Variants in PRKG1 observed in about 807,000 individuals in gnomAD.
PRKG1 encodes protein kinase cGMP-dependent 1.
A neutral mutation model predicts 88.1 loss-of-function variants in PRKG1; 35 were observed. The ratio of observed to expected loss-of-function variants is 0.40; its 90% CI spans 0.30 to 0.53. The LOEUF is 0.53. Among genes scored for constraint, PRKG1 ranks in the 20% least tolerant of loss-of-function variants. PRKG1 has a pLI of 0.59. For synonymous variants in PRKG1, 303 were observed against 292.5 expected (o/e 1.04, Z -0.37); for missense variants, 540 against 839.8 (o/e 0.64, Z 4.41).
At chr10:52,070,712 GCAGATTGTCT>G (rs1281045577) in intron 7 of PRKG1, among the ~76,000 whole-genome samples, 12 of 152,156 alleles carry the variant, frequency 7.9e-5, no homozygotes, top group African/African-American at 2.9e-4. Flanking sequence ...TAGAAGCTGG[GCAGATTGTCT>G]CAGATGGTCA....
At chr10:52,215,309 T>C (rs186417343) in intron 9 of PRKG1, among the ~76,000 whole-genome samples, 29 of 151,806 alleles carry the variant, frequency 1.9e-4, no homozygotes, top group Non-Finnish European at 3.5e-4. Flanking sequence ...CAGGTGAATT[T>C]CTTGAACCTG....
At chr10:51,561,133 G>C (rs1416291996) in intron 3 of PRKG1, among the ~76,000 whole-genome samples, 1 of 151,914 alleles carries the variant, frequency 6.6e-6, no homozygotes, top group Non-Finnish European at 1.5e-5. Context: ...GAAAAAATTA[G>C]CTGGGTGTGG....
intron 1 of PRKG1, among the ~76,000 whole-genome samples, chr10:51,101,060 A>AT (rs957303635): frequency 2.1e-4 from 32 of 151,974 alleles, no homozygotes; most frequent in Admixed American, 5.2e-4. Flanking sequence ...AAAGTTGGAA[A>AT]TTTTTTTTCC....
chr10:51,617,505 C>G (rs1308693109), intron 3 of PRKG1, among the ~76,000 whole-genome samples: 4 of 152,138 alleles, frequency 2.6e-5, no homozygotes, highest in Non-Finnish European at 4.4e-5. Context: ...CCTAGCCCAC[C>G]ACAGCCATCG....
At chr10:51,750,580 G>C (rs1405506425) in intron 3 of PRKG1, among the ~76,000 whole-genome samples, 4 of 152,152 alleles carry the variant, frequency 2.6e-5, no homozygotes, top group East Asian at 1.9e-4. Context: ...ACTGTTTCAG[G>C]CAAAACAGTC....
At chr10:51,500,830 T>C (rs1265043344) in intron 3 of PRKG1, among the ~76,000 whole-genome samples, 1 of 152,134 alleles carries the variant, frequency 6.6e-6, no homozygotes, top group Admixed American at 6.6e-5. Flanking sequence ...TTCTCTTACT[T>C]CTCAATTTGG....
At chr10:51,153,098 C>T (rs1178056683) in intron 1 of PRKG1, 66 bp from the exon 2 acceptor site, 5 of 1,489,372 alleles carry the variant, frequency 3.4e-6, no homozygotes, top group Non-Finnish European at 4.6e-6. Flanking sequence ...TATGGCGCTG[C>T]TAAACCTCAC....
chr10:52,166,852 T>C (rs1838482704), intron 9 of PRKG1, among the ~76,000 whole-genome samples: 1 of 97,312 alleles, frequency 1.0e-5, no homozygotes, highest in African/African-American at 3.5e-5. Context: ...TATATATGTC[T>C]ATATATATAT....
intron 5 of PRKG1, among the ~76,000 whole-genome samples, chr10:51,987,725 T>C (rs1844199470): frequency 6.6e-6 from 1 of 152,072 alleles, no homozygotes; most frequent in African/African-American, 2.4e-5. Context: ...TCATTACCTG[T>C]AATAAATATC....
intron 2 of PRKG1, among the ~76,000 whole-genome samples, chr10:51,162,347 G>A (rs994563594): frequency 6.6e-6 from 1 of 151,712 alleles, no homozygotes; most frequent in Non-Finnish European, 1.5e-5. Context: ...TACTTCATCT[G>A]AATTTAACCA....
rs538343726 is a variant in PRKG1, at chr10:51,556,419, A to T, written c.592+88583A>T. On this transcript the variant is annotated intron_variant, in intron 3 of 17. Transcript: ENST00000373980. ...AAAATGATTTTTTGCATGGTATGAT[A>T]CTTTTTTTTACACTCAAAGTATTCC... Among the ~76,000 whole-genome samples the T allele has an allele frequency of 0.013, 977 of 78,028 alleles. 44 individuals carry two copies. The East Asian group carries it at 0.45, about 36-fold the overall frequency. 51.2% of individuals were successfully genotyped at this position (78,028 alleles called of 152,430 possible). A position where few individuals can be genotyped will look rare whatever the true frequency, so the allele number is the denominator to read the frequency against.
At chr10:51,704,159 T>A (rs1173048714) in intron 3 of PRKG1, among the ~76,000 whole-genome samples, 98 of 139,464 alleles carry the variant, frequency 7.0e-4, no homozygotes, top group Non-Finnish European at 1.2e-3. Context: ...AAAAAAAAAA[T>A]TAAATAAATA....
chr10:52,254,241 G>C (rs1841254937), intron 10 of PRKG1, among the ~76,000 whole-genome samples: 1 of 151,838 alleles, frequency 6.6e-6, no homozygotes, highest in Non-Finnish European at 1.5e-5. Context: ...GTTCTTTTGT[G>C]ATTACAGAAG....
At chr10:51,884,025 CAAAAAAAAA>C (rs11346256) in intron 4 of PRKG1, among the ~76,000 whole-genome samples, 1 of 106,122 alleles carries the variant, frequency 9.4e-6, no homozygotes, top group African/African-American at 3.5e-5. Context: ...TTTTATTTTT[CAAAAAAAAA>C]AAAAAAAAAA....
intron 5 of PRKG1, among the ~76,000 whole-genome samples, chr10:51,956,037 T>G (rs1843294218): frequency 6.6e-6 from 1 of 152,174 alleles, no homozygotes; most frequent in South Asian, 2.1e-4. Flanking sequence ...ATATTTTTAA[T>G]TTTGATGAAA....
At chr10:51,116,403 G>A (rs1008030564) in intron 1 of PRKG1, among the ~76,000 whole-genome samples, 3 of 152,040 alleles carry the variant, frequency 2.0e-5, no homozygotes, top group South Asian at 2.1e-4. Flanking sequence ...CTGAAGACAC[G>A]GCTTATTGGG....
chr10:52,130,357 A>C (rs1035521003), intron 7 of PRKG1, among the ~76,000 whole-genome samples: 1 of 152,210 alleles, frequency 6.6e-6, no homozygotes, highest in African/African-American at 2.4e-5. Flanking sequence ...GTTGCATGGA[A>C]ATTGCATTCA....
At chr10:51,336,878 C>T (rs1290589088) in intron 2 of PRKG1, among the ~76,000 whole-genome samples, 1 of 152,198 alleles carries the variant, frequency 6.6e-6, no homozygotes, top group East Asian at 1.9e-4. Flanking sequence ...TAAACTACCA[C>T]TGACATTCTT....
At chr10:51,799,649 G>C (rs914042995) in intron 3 of PRKG1, among the ~76,000 whole-genome samples, 1 of 151,970 alleles carries the variant, frequency 6.6e-6, no homozygotes, top group Non-Finnish European at 1.5e-5. Flanking sequence ...AGGGAACTCA[G>C]GGAAATGGCT....
Sources: allele counts gnomAD v4.1 joint callset (sites outside exome capture counted in the v4.1 genomes callset), GRCh38; gene constraint gnomAD v4.1.1; transcripts MANE v1.5; gene names NCBI Gene and HGNC (gene_info 2026-07-23, HGNC 2026-07-21).